Variants in SEPTIN8 observed in about 807,000 individuals in gnomAD.
The protein encoded by SEPTIN8 is septin-8.
In SEPTIN8, 22 loss-of-function variants were observed where a neutral mutation model predicts 53.1. The observed-to-expected ratio is 0.41, with a 90% CI of 0.30 to 0.59. SEPTIN8 has a LOEUF of 0.59. Among genes scored for constraint, SEPTIN8 ranks in the 20% least tolerant of loss-of-function variants. The pLI, the probability that SEPTIN8 is intolerant of heterozygous loss-of-function variation, is 0.24. For synonymous variants in SEPTIN8, 228 were observed against 248.4 expected (o/e 0.92, Z 0.77); for missense variants, 536 against 638.7 (o/e 0.84, Z 1.73).
chr5:132,756,036 A>G, intron 9 of SEPTIN8: 1 of 985,338 alleles, frequency 1.0e-6, no homozygotes, highest in Non-Finnish European at 1.2e-6. Context: ...TGAAAAAAAT[A>G]AGTACAAAGT....
rs932825571 is a variant in SEPTIN8, at chr5:132,760,451, G to A, written c.1286+351C>T. Among the ~76,000 whole-genome samples the A allele has an allele frequency of 1.3e-5, 2 of 152,124 alleles. No individual in the cohort carries two copies. Among genetic ancestry groups the A allele is most frequent in the Admixed American group, 1.3e-4 (2 of 15,278 alleles). ...CTGCAACAGGGCCACAGCTGCCAAGGGGGCTATGGGAGAGCGAATGGGTGA... is the reference window on the plus strand; with the variant it reads ...CTGCAACAGGGCCACAGCTGCCAAGAGGGCTATGGGAGAGCGAATGGGTGA... On this transcript the variant is annotated intron_variant, in intron 9 of 9. Coordinates refer to ENST00000378719, the MANE Select transcript of SEPTIN8 (RefSeq NM_001098811.2). The surrounding 1 kb of genome is among the most constrained non-coding windows in gnomAD (Gnocchi z 5.2).
In SEPTIN8 at chr5:132,769,988, T is replaced by TAC. The variant is rs1757020583; in HGVS notation, c.31-4460_31-4459insGT. Among the ~76,000 whole-genome samples, 4 of 19,624 alleles carry TAC rather than the reference T, an allele frequency of 2.0e-4. No homozygotes were observed. In the East Asian group the frequency reaches 2.5e-3, roughly 12 times the overall value. 12.9% of individuals were successfully genotyped at this position (19,624 alleles called of 152,430 possible). A position where few individuals can be genotyped will look rare whatever the true frequency, so the allele number is the denominator to read the frequency against. ...AAATCTCTCTCTATATATACATATA[T>TAC]ATATATATATATATATATATATATA... On this transcript the variant is annotated intron_variant, in intron 1 of 9. Transcript: ENST00000378719.
chr5:132,757,034 C>G, intron 9 of SEPTIN8: 1 of 985,408 alleles, frequency 1.0e-6, no homozygotes, highest in Non-Finnish European at 1.2e-6. Context: ...CACATTTGCC[C>G]TGGATATGCC....
intron 9 of SEPTIN8, among the ~76,000 whole-genome samples, chr5:132,755,651 TTAG>T (rs1158076326): frequency 6.6e-6 from 1 of 152,180 alleles, no homozygotes; most frequent in African/African-American, 2.4e-5. Context: ...CACTCGAATA[TTAG>T]TAGTCCCGTG....
chr5:132,761,781 A>G lies in SEPTIN8; in HGVS notation c.793+19T>C. 1 of 1,601,268 alleles carries G rather than the reference A, an allele frequency of 6.2e-7. No homozygotes were observed. The highest frequency in any genetic ancestry group is 2.2e-5 in the East Asian group (1 of 44,570). ...GAACTCAGTTCTACCCCCAGGATGC[A>G]TTTCCTGTCCACACTCACCCTGCAC... On this transcript the variant is annotated intron_variant, in intron 6 of 9. Transcript: ENST00000378719. The surrounding 1 kb of genome is among the most constrained non-coding windows in gnomAD (Gnocchi z 5.8).
intron 9 of SEPTIN8, chr5:132,757,138 G>A (rs1268949760): frequency 4.1e-6 from 4 of 979,400 alleles, no homozygotes; most frequent in Non-Finnish European, 4.9e-6. Context: ...TAATCTTCAG[G>A]GCCCCTTCCA....
rs1158293510 is a variant in SEPTIN8 at position 132,776,546 on chromosome 5, A to C, written c.30+562T>G. ...GCCTGACCTGCCTGGAGTCGCACCC[A>C]GGATTCCGGCGTGGGGAGCGGGGCA... On this transcript the variant is annotated intron_variant, in intron 1 of 9. Coordinates refer to ENST00000378719, the MANE Select transcript of SEPTIN8 (RefSeq NM_001098811.2). This position sits in a 1 kb window ranked among gnomAD's most constrained non-coding sequence, Gnocchi z 4.4. Among the ~76,000 whole-genome samples the C allele has an allele frequency of 6.6e-6, 1 of 152,052 alleles. No individual in the cohort carries two copies. The highest frequency in any genetic ancestry group is 1.5e-5 in the Non-Finnish European group (1 of 67,988).
At chr5:132,756,349 TTCTC>T (rs1439337978) in intron 9 of SEPTIN8, 10 of 980,944 alleles carry the variant, frequency 1.0e-5, no homozygotes, top group Non-Finnish European at 1.1e-5. Flanking sequence ...AGCATCCCCT[TTCTC>T]TCTCAATAGT....
intron 9 of SEPTIN8, among the ~76,000 whole-genome samples, chr5:132,752,554 CCT>C (rs1754939174): frequency 6.6e-6 from 1 of 152,138 alleles, no homozygotes; most frequent in African/African-American, 2.4e-5. Flanking sequence ...AACTCCTTCA[CCT>C]CTCCTTTGTA....
intron 9 of SEPTIN8, chr5:132,757,559 G>A (rs1182296597): frequency 2.0e-6 from 2 of 985,404 alleles, no homozygotes; most frequent in Non-Finnish European, 2.4e-6. Flanking sequence ...CCAGGGAGTA[G>A]GCTAGACTGT....
rs1463330444 is a variant in SEPTIN8, at chr5:132,773,802, T to C, written c.30+3306A>G. ...AGCATGTGCTCCCTGGAATGACCAA[T>C]GCTTTCCATCAGCCCCGCAGCTCTG... On this transcript the variant is annotated intron_variant, in intron 1 of 9. Coordinates refer to ENST00000378719, the MANE Select transcript of SEPTIN8 (RefSeq NM_001098811.2). The surrounding 1 kb of genome is among the most constrained non-coding windows in gnomAD (Gnocchi z 4.2). 1 of 152,580 alleles carries C rather than the reference T, an allele frequency of 6.6e-6. No individual in the cohort carries two copies. Among genetic ancestry groups the C allele is most frequent in the Admixed American group, 6.5e-5 (1 of 15,288 alleles). 9.5% of individuals were successfully genotyped at this position (152,580 alleles called of 1,614,324 possible). A position where few individuals can be genotyped will look rare whatever the true frequency, so the allele number is the denominator to read the frequency against.
Position 132,769,973 on chromosome 5 carries a change from C to A in SEPTIN8, c.31-4444G>T, listed in dbSNP as rs112287792. Among the ~76,000 whole-genome samples, 141 of 92,026 alleles carry A rather than the reference C, an allele frequency of 1.5e-3. 1 individual carries two copies. The highest frequency in any genetic ancestry group is 1.9e-3 in the African/African-American group (45 of 23,814). The allele number at this position is 92,026 out of a possible 152,430, so 60.4% of individuals were successfully genotyped here. A position where few individuals can be genotyped will look rare whatever the true frequency, so the allele number is the denominator to read the frequency against. On this transcript the variant is annotated intron_variant, in intron 1 of 9. Transcript: ENST00000378719. ...TTAAAGAGAACCCAAAAATCTCTCT[C>A]TATATATACATATATATATATATAT...
chr5:132,760,088 A>T lies in SEPTIN8; in HGVS notation c.1286+714T>A, dbSNP rs1322917193. 6.6e-6 allele frequency among the ~76,000 whole-genome samples: 1 copy of T among 152,082 alleles called. No individual in the cohort carries two copies. The highest frequency in any genetic ancestry group is 1.5e-5 in the Non-Finnish European group (1 of 68,006). The stretch of plus-strand genomic sequence containing the variant: ...AAGAACCCACAGAGCCCCTGTGGGA[A>T]GCCGCTTTCCTCCCTTAAGCCCTGC... On this transcript the variant is annotated intron_variant, in intron 9 of 9. Transcript: ENST00000378719. This position sits in a 1 kb window ranked among gnomAD's most constrained non-coding sequence, Gnocchi z 5.2.
At chr5:132,767,548 T>C (rs558935529) in intron 1 of SEPTIN8, among the ~76,000 whole-genome samples, 169 of 152,278 alleles carry the variant, frequency 1.1e-3, no homozygotes, top group African/African-American at 4.0e-3. Flanking sequence ...CTTCTAGATG[T>C]CGGCTGCAGG....
intron 9 of SEPTIN8, chr5:132,758,422 T>A: frequency 6.4e-7 from 1 of 1,564,640 alleles, no homozygotes; most frequent in Non-Finnish European, 8.7e-7. Flanking sequence ...CAGCTGCACC[T>A]AGGGCACCAC....
At chr5:132,774,085 G>A (rs1191386210) in intron 1 of SEPTIN8, 1 of 164,522 alleles carries the variant, frequency 6.1e-6, no homozygotes, top group East Asian at 1.9e-4. Context: ...CTCTGACAGA[G>A]ACCTTGAGCC....
chr5:132,751,990 T>C lies in SEPTIN8; in HGVS notation c.*26A>G, dbSNP rs767320935. The C allele has an allele frequency of 2.0e-5, 32 of 1,611,892 alleles. No individual in the cohort carries two copies. The highest frequency in any genetic ancestry group is 2.7e-5 in the Non-Finnish European group (32 of 1,179,296). On this transcript the variant is annotated 3_prime_UTR_variant, in exon 10 of 10. Transcript: ENST00000378719. ...GTTCCATGCCCTGGTGGTCCTGAGC[T>C]GGCCCCATGTGTTGGAGCTGCTGCC...
intron 1 of SEPTIN8, among the ~76,000 whole-genome samples, chr5:132,772,902 C>T (rs1728463192): frequency 6.6e-6 from 1 of 152,206 alleles, no homozygotes. Context: ...AACAGCCAGC[C>T]ACCTGCCAGC....
In SEPTIN8 at chr5:132,776,604, A is replaced by C. The variant is rs1408820494; in HGVS notation, c.30+504T>G. Among the ~76,000 whole-genome samples the C allele has an allele frequency of 6.6e-6, 1 of 152,122 alleles. No individual in the cohort carries two copies. Among genetic ancestry groups the C allele is most frequent in the Non-Finnish European group, 1.5e-5 (1 of 67,996 alleles). On this transcript the variant is annotated intron_variant, in intron 1 of 9. Transcript: ENST00000378719. This position sits in a 1 kb window ranked among gnomAD's most constrained non-coding sequence, Gnocchi z 4.4. ...GCGGGGGAGGAAGGAAAAGCAGGCCAAGGGTCTTCAGGACTCAAGTCTGCA... is the reference window on the plus strand; with the variant it reads ...GCGGGGGAGGAAGGAAAAGCAGGCCCAGGGTCTTCAGGACTCAAGTCTGCA...
Sources: gnomAD v4.1 joint callset for allele counts (sites outside exome capture counted in the v4.1 genomes callset) on GRCh38, gnomAD v4.1.1 for gene constraint, Gnocchi (gnomAD v3.1) non-coding constraint, MANE v1.5 for transcripts, NCBI Gene and HGNC (gene_info 2026-07-23, HGNC 2026-07-21) for gene names.